The following EPB41L4A variants were observed in gnomAD, a reference collection of about 807,000 sequenced individuals.
The protein encoded by EPB41L4A is erythrocyte membrane protein band 4.1 like 4A, also known as band 4.1-like protein 4A.
EPB41L4A carries 100 observed loss-of-function variants against 108.6 expected under a neutral mutation model. The observed-to-expected ratio is 0.92, with a 90% CI of 0.78 to 1.09. The LOEUF (loss-of-function observed/expected upper bound fraction) is 1.09. Among genes scored for constraint, EPB41L4A ranks in the 50% least tolerant of loss-of-function variants. The pLI is 0.00. For synonymous variants in EPB41L4A, 319 were observed against 289.0 expected, an observed-to-expected ratio of 1.10 and a Z score of -1.05; for missense variants, 1,030 against 842.7, an observed-to-expected ratio of 1.22 and a Z score of -2.75.
At chr5:112,370,880 A>G (rs1190395773) in intron 1 of EPB41L4A, among the ~76,000 whole-genome samples, 2 of 152,248 alleles carry the variant, frequency 1.3e-5, no homozygotes, top group African/African-American at 4.8e-5. Context: ...TGGAGGTTGC[A>G]GTAAGCTGAG....
At chr5:112,176,653 C>T (rs960287694) in intron 18 of EPB41L4A, among the ~76,000 whole-genome samples, 3 of 151,812 alleles carry the variant, frequency 2.0e-5, no homozygotes, top group Admixed American at 6.6e-5. Flanking sequence ...GAGCTAAAAG[C>T]GTCTCACGTG....
intron 11 of EPB41L4A, among the ~76,000 whole-genome samples, chr5:112,239,338 T>C (rs569091719): frequency 2.6e-4 from 39 of 152,336 alleles, no homozygotes; most frequent in Non-Finnish European, 4.9e-4. Context: ...TTAGTTACTA[T>C]TCAGAATCTA....
intron 12 of EPB41L4A, among the ~76,000 whole-genome samples, chr5:112,222,261 C>T (rs543532094): frequency 6.6e-6 from 1 of 152,318 alleles, no homozygotes; most frequent in East Asian, 1.9e-4. Context: ...ATTTTCAAAT[C>T]ATTCTAGACC....
At chr5:112,313,178 G>C (rs919978886) in intron 1 of EPB41L4A, among the ~76,000 whole-genome samples, 1 of 152,182 alleles carries the variant, frequency 6.6e-6, no homozygotes. Context: ...GGAAGTCTTT[G>C]ACCAGCCTAT....
chr5:112,316,348 T>C (rs933774430), intron 1 of EPB41L4A, among the ~76,000 whole-genome samples: 8 of 152,220 alleles, frequency 5.3e-5, no homozygotes, highest in Non-Finnish European at 1.0e-4. Context: ...CTATCTTTAT[T>C]TAGTATTTTG....
chr5:112,312,676 G>C (rs563262623), intron 1 of EPB41L4A, among the ~76,000 whole-genome samples: 3 of 152,288 alleles, frequency 2.0e-5, no homozygotes, highest in Admixed American at 2.0e-4. Context: ...TATTGGGGTG[G>C]AGGTACATAT....
chr5:112,170,066 A>C, intron 20 of EPB41L4A: 1 of 466,110 alleles, frequency 2.1e-6, no homozygotes, highest in Non-Finnish European at 3.7e-6. Flanking sequence ...AATCAGGAAA[A>C]GCCCCCTTGT....
chr5:112,350,809 T>G (rs1264493654), intron 1 of EPB41L4A, among the ~76,000 whole-genome samples: 1 of 152,216 alleles, frequency 6.6e-6, no homozygotes, highest in Non-Finnish European at 1.5e-5. Flanking sequence ...ATTTCATTCT[T>G]TTTTATAGCT....
intron 1 of EPB41L4A, among the ~76,000 whole-genome samples, chr5:112,408,193 ATGT>A (rs2112793035): frequency 6.6e-6 from 1 of 152,324 alleles, no homozygotes; most frequent in African/African-American, 2.4e-5. Flanking sequence ...GTGTTGCGAC[ATGT>A]GCAAATGAAG....
At chr5:112,204,339 T>C (rs373163895) in intron 15 of EPB41L4A, 36 bp downstream of exon 15, 6 of 1,437,560 alleles carry the variant, frequency 4.2e-6, no homozygotes, top group South Asian at 2.3e-5. Context: ...ATGCTTCTGT[T>C]GAAAGCTGCT....
rs149405673 is a variant in EPB41L4A at position 112,164,525 on chromosome 5, TAAAAC to T, written c.*460_*464del. 9,459 of 152,230 alleles carry T rather than the reference TAAAAC, an allele frequency of 0.062. 793 individuals are homozygous for T. The highest frequency in any genetic ancestry group is 0.24 in the East Asian group (1,218 of 5,160). The allele number at this position is 152,230 out of a possible 1,614,324, so 9.4% of individuals were successfully genotyped here. ...TTTACAAAATACTTATTCTTCCAGT[TAAAAC>T]AAAAAGGTCCTTCAGCACAACTGTG... is the stretch of plus-strand genomic sequence containing the variant. On this transcript the variant is annotated 3_prime_UTR_variant, in exon 23 of 23. Transcript: ENST00000261486.
intron 1 of EPB41L4A, among the ~76,000 whole-genome samples, chr5:112,393,934 C>T (rs983025581): frequency 6.6e-6 from 1 of 152,052 alleles, no homozygotes; most frequent in East Asian, 1.9e-4. Context: ...GCTGGTTCAA[C>T]ATACGCAAAT....
At chr5:112,298,684 T>C (rs975248520) in intron 2 of EPB41L4A, among the ~76,000 whole-genome samples, 1 of 152,098 alleles carries the variant, frequency 6.6e-6, no homozygotes, top group African/African-American at 2.4e-5. Context: ...TTAGGGAGGA[T>C]TTCCTCTTTA....
intron 12 of EPB41L4A, among the ~76,000 whole-genome samples, chr5:112,225,252 G>A (rs1218502193): frequency 2.0e-5 from 3 of 152,202 alleles, no homozygotes; most frequent in African/African-American, 7.2e-5. Context: ...ATGAAATGGA[G>A]CACCCTCTGG....
chr5:112,314,505 T>TAAAAAAAAAAAAAAAAAAAAAAAAAAAAA (rs552428109), intron 1 of EPB41L4A, among the ~76,000 whole-genome samples: 1 of 55,182 alleles, frequency 1.8e-5, no homozygotes, highest in Non-Finnish European at 3.0e-5. Context: ...CCATCGCTAC[T>TAAAAAAAAAAAAAAAAAAAAAAAAAAAAA]AAAAAAAAAA....
chr5:112,190,667 T>C (rs1761652240), intron 17 of EPB41L4A, among the ~76,000 whole-genome samples: 1 of 152,194 alleles, frequency 6.6e-6, no homozygotes, highest in Non-Finnish European at 1.5e-5. Flanking sequence ...ATCTTTACAG[T>C]AACTCATTCA....
At chr5:112,225,920 G>A (rs1177279843) in intron 12 of EPB41L4A, among the ~76,000 whole-genome samples, 8 of 152,164 alleles carry the variant, frequency 5.3e-5, no homozygotes, top group Non-Finnish European at 8.8e-5. Flanking sequence ...CCTAAACATT[G>A]AGAATTACAG....
intron 17 of EPB41L4A, among the ~76,000 whole-genome samples, chr5:112,188,347 A>G (rs1761525616): frequency 6.6e-6 from 1 of 152,160 alleles, no homozygotes; most frequent in Non-Finnish European, 1.5e-5. Context: ...TCAATAAATT[A>G]TTCTTATTTG....
intron 1 of EPB41L4A, among the ~76,000 whole-genome samples, chr5:112,349,410 G>T (rs1757894173): frequency 6.6e-6 from 1 of 152,182 alleles, no homozygotes; most frequent in South Asian, 2.1e-4. Context: ...GAGGTGCAAA[G>T]AGTTTGTGCA....
Sources: gnomAD v4.1 joint callset for allele counts (sites outside exome capture counted in the v4.1 genomes callset) on GRCh38, gnomAD v4.1.1 for gene constraint, MANE v1.5 for transcripts, NCBI Gene and HGNC (gene_info 2026-07-23, HGNC 2026-07-21) for gene names.